The following CDH12 variants were observed in gnomAD, a reference collection of about 807,000 sequenced individuals.
CDH12 encodes the protein cadherin 12.
Under a neutral mutation model 74.1 loss-of-function variants are expected in CDH12, and 41 were observed. The observed-to-expected ratio is 0.55, with a 90% confidence interval of 0.43 to 0.72. The LOEUF is 0.72. Ranked by LOEUF, CDH12 falls within the 30% of genes least tolerant of loss-of-function variation. The pLI is 0.00. For missense variants in CDH12, 945 were observed against 977.2 expected, an observed-to-expected ratio of 0.97 and a Z score of 0.44; for synonymous variants, 399 against 355.0, an observed-to-expected ratio of 1.12 and a Z score of -1.39.
intron 2 of CDH12, among the ~76,000 whole-genome samples, chr5:22,495,030 A>G (rs961956072): frequency 6.6e-6 from 1 of 152,200 alleles, no homozygotes; most frequent in Non-Finnish European, 1.5e-5. Flanking sequence ...TTGCAAAACA[A>G]CAACAACAAA....
Position 22,558,380 on chromosome 5 carries a change from G to T in CDH12, c.-522-53016C>A, listed in dbSNP as rs540322542. Among the ~76,000 whole-genome samples the T allele has an allele frequency of 8.7e-4, 133 of 152,182 alleles. 4 individuals are homozygous for T. In the Middle Eastern group the frequency reaches 0.017, roughly 19 times the overall value. On this transcript the variant is annotated intron_variant, in intron 1 of 14. Transcript: ENST00000382254. ...GGTTGTTGGGTGGTTTGGCAGGAAAGAAGACAAAATATGTTAAAATAAATA... is the reference window on the plus strand; with the variant it reads ...GGTTGTTGGGTGGTTTGGCAGGAAATAAGACAAAATATGTTAAAATAAATA...
intron 3 of CDH12, among the ~76,000 whole-genome samples, chr5:22,292,336 TTTTTG>T (rs1178762179): frequency 3.4e-5 from 2 of 59,026 alleles, no homozygotes; most frequent in Admixed American, 3.4e-4. Context: ...GGGTTTTTGG[TTTTTG>T]TTTTTTTTTT....
At chr5:22,469,773 C>A (rs1326434027) in intron 2 of CDH12, among the ~76,000 whole-genome samples, 1 of 152,082 alleles carries the variant, frequency 6.6e-6, no homozygotes, top group Admixed American at 6.6e-5. Flanking sequence ...ATAGGGAAAT[C>A]ATGAATGTGC....
chr5:22,594,611 A>G (rs1736506863), intron 1 of CDH12, among the ~76,000 whole-genome samples: 1 of 151,204 alleles, frequency 6.6e-6, no homozygotes, highest in Non-Finnish European at 1.5e-5. Context: ...TAAGCTCAGT[A>G]AATATTTGTT....
In CDH12 at chr5:22,244,220, T is replaced by C. The variant is rs375258665; in HGVS notation, c.-332-31577A>G. Among the ~76,000 whole-genome samples, 11 of 152,210 alleles carry C rather than the reference T, an allele frequency of 7.2e-5. No homozygotes were observed. In the South Asian group the frequency reaches 2.3e-3, roughly 32 times the overall value. ...ATAATCTATAGCAGGCCAGGTGCAG[T>C]GGCTCACGCCTGTAATCCCAACACT... On this transcript the variant is annotated intron_variant, in intron 3 of 14. Coordinates refer to ENST00000382254, the MANE Select transcript of CDH12 (RefSeq NM_004061.5).
At chr5:21,953,580 G>A (rs1755962923) in intron 6 of CDH12, among the ~76,000 whole-genome samples, 1 of 152,176 alleles carries the variant, frequency 6.6e-6, no homozygotes, top group Admixed American at 6.5e-5. Flanking sequence ...GTGCTAGAAT[G>A]AGGATGAAGG....
intron 5 of CDH12, among the ~76,000 whole-genome samples, chr5:22,011,033 G>A (rs1433059029): frequency 3.3e-5 from 5 of 152,080 alleles, no homozygotes; most frequent in African/African-American, 1.2e-4. Flanking sequence ...CTTTTTTAGT[G>A]TAGGATTTGC....
intron 6 of CDH12, among the ~76,000 whole-genome samples, chr5:21,972,596 T>G (rs1399384207): frequency 2.0e-5 from 3 of 152,116 alleles, no homozygotes; most frequent in African/African-American, 7.2e-5. Flanking sequence ...GGAACATAGA[T>G]GTAAGTTCTG....
intron 1 of CDH12, among the ~76,000 whole-genome samples, chr5:22,619,740 A>G (rs945205116): frequency 4.6e-5 from 7 of 151,914 alleles, no homozygotes; most frequent in African/African-American, 9.7e-5. Flanking sequence ...ACAAAAAAAA[A>G]AAGTCTCCAC....
At chr5:22,336,465 GA>G (rs910316749) in intron 3 of CDH12, among the ~76,000 whole-genome samples, 3 of 152,056 alleles carry the variant, frequency 2.0e-5, no homozygotes, top group South Asian at 2.1e-4. Flanking sequence ...GGCCTAGGAA[GA>G]AAAAAAGGTT....
chr5:22,644,442 G>A (rs1739327727), intron 1 of CDH12, among the ~76,000 whole-genome samples: 1 of 152,034 alleles, frequency 6.6e-6, no homozygotes, highest in South Asian at 2.1e-4. Flanking sequence ...TTAATCCAGA[G>A]CAAGGCCCAA....
chr5:22,432,683 A>T (rs2126523680), intron 2 of CDH12, among the ~76,000 whole-genome samples: 1 of 152,208 alleles, frequency 6.6e-6, no homozygotes, highest in South Asian at 2.1e-4. Context: ...GAAGTTTTTG[A>T]CAATGTTTGA....
chr5:22,631,933 G>A (rs1011617326), intron 1 of CDH12, among the ~76,000 whole-genome samples: 2 of 151,966 alleles, frequency 1.3e-5, no homozygotes, highest in Non-Finnish European at 2.9e-5. Context: ...GTAACCCCAC[G>A]ATCCAATCAC....
At chr5:22,449,678 TATC>T (rs1183617378) in intron 2 of CDH12, among the ~76,000 whole-genome samples, 1 of 152,046 alleles carries the variant, frequency 6.6e-6, no homozygotes, top group Non-Finnish European at 1.5e-5. Flanking sequence ...TACTTGACCT[TATC>T]ATCCACATTA....
intron 11 of CDH12, among the ~76,000 whole-genome samples, chr5:21,773,191 C>T (rs566211939): frequency 6.6e-5 from 10 of 152,096 alleles, no homozygotes; most frequent in South Asian, 2.1e-4. Flanking sequence ...ATTCTTTCTT[C>T]GAAGTACTAC....
chr5:22,514,052 A>C (rs1736714653), intron 1 of CDH12, among the ~76,000 whole-genome samples: 1 of 151,652 alleles, frequency 6.6e-6, no homozygotes, highest in Non-Finnish European at 1.5e-5. Context: ...ATTATTTTAT[A>C]ATAATAAAAT....
At chr5:21,768,758 T>C (rs1437691031) in intron 11 of CDH12, among the ~76,000 whole-genome samples, 1 of 151,916 alleles carries the variant, frequency 6.6e-6, no homozygotes, top group Non-Finnish European at 1.5e-5. Flanking sequence ...CTTTCAGAAA[T>C]AGAGGAGGAA....
At chr5:22,734,313 A>G (rs1580939487) in intron 1 of CDH12, among the ~76,000 whole-genome samples, 1 of 152,060 alleles carries the variant, frequency 6.6e-6, no homozygotes, top group Middle Eastern at 3.4e-3. Context: ...ATTTGTTGAC[A>G]TCTGATTCCC....
intron 1 of CDH12, among the ~76,000 whole-genome samples, chr5:22,561,491 G>C (rs183184257): frequency 3.3e-5 from 5 of 151,994 alleles, no homozygotes; most frequent in African/African-American, 1.2e-4. Context: ...TCTCAAAAAA[G>C]ACAATAAAAT....
Sources: gnomAD v4.1 joint callset for allele counts (sites outside exome capture counted in the v4.1 genomes callset) on GRCh38, gnomAD v4.1.1 for gene constraint, MANE v1.5 for transcripts, NCBI Gene and HGNC (gene_info 2026-07-23, HGNC 2026-07-21) for gene names.